Variants in UGT8 observed in about 807,000 individuals in gnomAD.
UGT8 encodes 2-hydroxyacylsphingosine 1-beta-galactosyltransferase.
In UGT8, 12 loss-of-function variants were observed where a neutral mutation model predicts 40.5. The ratio of observed to expected loss-of-function variants is 0.30; its 90% CI spans 0.19 to 0.48. UGT8 has a LOEUF of 0.48. UGT8 is among the 20% of genes least tolerant of loss of function. The pLI is 0.99. For synonymous variants in UGT8, 224 were observed against 240.4 expected (o/e 0.93, Z 0.63); for missense variants, 513 against 648.7 (o/e 0.79, Z 2.27).
intron 1 of UGT8, among the ~76,000 whole-genome samples, chr4:114,599,413 TG>T (rs1325545882): frequency 6.6e-6 from 1 of 151,698 alleles, no homozygotes; most frequent in African/African-American, 2.4e-5. Flanking sequence ...GGGATGGAGG[TG>T]GGGGACCAGG....
At chr4:114,610,219 G>C (rs969908641) in intron 1 of UGT8, among the ~76,000 whole-genome samples, 1 of 152,120 alleles carries the variant, frequency 6.6e-6, no homozygotes, top group African/African-American at 2.4e-5. Context: ...GCGAATAACT[G>C]AACTAGCTGT....
chr4:114,662,540 C>T (rs1734604785), intron 2 of UGT8, among the ~76,000 whole-genome samples: 1 of 152,118 alleles, frequency 6.6e-6, no homozygotes. Flanking sequence ...TTCTTCCCTA[C>T]CAGATAATGG....
intron 2 of UGT8, among the ~76,000 whole-genome samples, chr4:114,639,207 C>T (rs1273894032): frequency 6.6e-6 from 1 of 152,204 alleles, no homozygotes; most frequent in Non-Finnish European, 1.5e-5. Flanking sequence ...CAGTCTCTGA[C>T]TCTCTTCCAC....
At chr4:114,628,523 T>C (rs1003444134) in intron 2 of UGT8, among the ~76,000 whole-genome samples, 4 of 151,858 alleles carry the variant, frequency 2.6e-5, no homozygotes, top group African/African-American at 7.2e-5. Flanking sequence ...CATTACCCAA[T>C]TGTGAACTAA....
intron 2 of UGT8, among the ~76,000 whole-genome samples, chr4:114,649,258 A>G (rs888159762): frequency 1.3e-5 from 2 of 152,140 alleles, no homozygotes; most frequent in Admixed American, 1.3e-4. Flanking sequence ...CCTGCACACC[A>G]CAGAGGAATC....
At chr4:114,619,545 G>A (rs937533739) in intron 1 of UGT8, 7 of 152,034 alleles carry the variant, frequency 4.6e-5, no homozygotes, top group African/African-American at 1.7e-4. Flanking sequence ...ATTCCCATAT[G>A]TGTACACATG....
At chr4:114,638,528 CATCT>C (rs1467710515) in intron 2 of UGT8, among the ~76,000 whole-genome samples, 2 of 152,132 alleles carry the variant, frequency 1.3e-5, no homozygotes, top group Admixed American at 1.3e-4. Flanking sequence ...GTCCTCCCTC[CATCT>C]GTTTTCCTTG....
At chr4:114,667,299 C>CAT (rs1734949297) in intron 4 of UGT8, among the ~76,000 whole-genome samples, 1 of 152,162 alleles carries the variant, frequency 6.6e-6, no homozygotes, top group South Asian at 2.1e-4. Flanking sequence ...TGGCCAATAA[C>CAT]ATATATCCTA....
intron 1 of UGT8, among the ~76,000 whole-genome samples, chr4:114,607,765 A>G (rs1207858681): frequency 6.6e-6 from 1 of 151,998 alleles, no homozygotes; most frequent in Non-Finnish European, 1.5e-5. Context: ...TCTATTCCTA[A>G]TTGATCACTA....
chr4:114,621,099 A>G (rs1268610103), intron 1 of UGT8, among the ~76,000 whole-genome samples: 1 of 152,170 alleles, frequency 6.6e-6, no homozygotes, highest in Non-Finnish European at 1.5e-5. Flanking sequence ...CACGTATAGT[A>G]TATTTATCTC....
At chr4:114,635,421 G>C (rs1289863795) in intron 2 of UGT8, among the ~76,000 whole-genome samples, 1 of 151,534 alleles carries the variant, frequency 6.6e-6, no homozygotes, top group Non-Finnish European at 1.5e-5. Flanking sequence ...TTTTTCCCCA[G>C]TGAATATAAT....
intron 4 of UGT8, among the ~76,000 whole-genome samples, chr4:114,667,635 T>A (rs1734970441): frequency 6.6e-6 from 1 of 152,212 alleles, no homozygotes; most frequent in Admixed American, 6.5e-5. Flanking sequence ...GCACACAAAC[T>A]CTTCATGGAC....
chr4:114,658,237 G>C (rs1011715668), intron 2 of UGT8, among the ~76,000 whole-genome samples: 3 of 152,074 alleles, frequency 2.0e-5, no homozygotes, highest in Non-Finnish European at 4.4e-5. Flanking sequence ...GGGAAAAGAG[G>C]CCTATTGATG....
Position 114,662,816 on chromosome 4 carries a change from C to CTT in UGT8, c.823-1153_823-1152dup, listed in dbSNP as rs142469406. 2.1e-3 allele frequency among the ~76,000 whole-genome samples: 110 copies of CTT among 53,198 alleles called. 7 individuals carry two copies. Among genetic ancestry groups the CTT allele is most frequent in the African/African-American group, 8.5e-3 (106 of 12,444 alleles). 34.9% of individuals were successfully genotyped at this position (53,198 alleles called of 152,430 possible). ...GTGCAGTGATGCCATTGTGACCATG[C>CTT]TTTTTTTTTTTTTTTTTTTTTTTTT... is the stretch of plus-strand genomic sequence containing the variant. On this transcript the variant is annotated intron_variant, in intron 2 of 5. Coordinates refer to ENST00000310836, the MANE Select transcript of UGT8 (RefSeq NM_001128174.3).
chr4:114,599,568 C>T (rs1392161657), intron 1 of UGT8, among the ~76,000 whole-genome samples: 2 of 152,212 alleles, frequency 1.3e-5, no homozygotes, highest in Non-Finnish European at 2.9e-5. Context: ...TCCGCGTGCC[C>T]GCGCGACTCT....
Position 114,634,422 on chromosome 4 carries a change from C to T in UGT8, c.822+10720C>T, listed in dbSNP as rs185415600. Among the ~76,000 whole-genome samples, 988 of 152,128 alleles carry T rather than the reference C, an allele frequency of 6.5e-3. 38 individuals are homozygous for T. The highest frequency in any genetic ancestry group is 0.06 in the Admixed American group (917 of 15,264). On this transcript the variant is annotated intron_variant, in intron 2 of 5. Transcript: ENST00000310836. ...CATGGAAATAAATGCAGTGGCTTAT[C>T]GACTCTCCAAGGAAGAGGAGGAGGG...
intron 2 of UGT8, among the ~76,000 whole-genome samples, chr4:114,637,347 A>C (rs975839022): frequency 6.6e-6 from 1 of 152,184 alleles, no homozygotes; most frequent in Non-Finnish European, 1.5e-5. Context: ...GGCCGGACAC[A>C]TCCCATGTTG....
rs143336365 is a variant in UGT8, at chr4:114,676,224, A to G, written c.1562A>G (p.Asn521Ser). The change falls in exon 6 of 6, where the codon AAT becomes AGT. Residue 521 changes from asparagine (N) to serine (S), a missense_variant. Physicochemically the swap from Asn to Ser is conservative, Grantham distance 46. Transcript: ENST00000310836. ...AGCACAGTTAATGGACATTACCACA[A>G]TGGAATCCTCAATGGCAAGTACAAA... The part of the protein sequence containing the change: ...KHSTVNGHYH[N>S]GILNGKYKRN... The G allele has an allele frequency of 5.6e-6, 9 of 1,613,258 alleles. No homozygotes were observed. The highest frequency in any genetic ancestry group is 2.7e-5 in the African/African-American group (2 of 74,860).
At chr4:114,671,812 C>G (rs1210139347) in intron 5 of UGT8, among the ~76,000 whole-genome samples, 1 of 152,134 alleles carries the variant, frequency 6.6e-6, no homozygotes, top group Non-Finnish European at 1.5e-5. Flanking sequence ...CAACAAAAGC[C>G]AAAATTGACA....
Sources: allele counts gnomAD v4.1 joint callset (sites outside exome capture counted in the v4.1 genomes callset), GRCh38; gene constraint gnomAD v4.1.1; transcripts MANE v1.5; gene names NCBI Gene and HGNC (gene_info 2026-07-23, HGNC 2026-07-21).